The following BEND7 variants were observed in gnomAD, a reference collection of about 807,000 sequenced individuals.
The protein encoded by BEND7 is BEN domain containing 7.
BEND7 carries 28 observed loss-of-function variants against 50.9 expected under a neutral mutation model. The observed-to-expected ratio is 0.55, with a 90% CI of 0.41 to 0.75. BEND7 has a LOEUF of 0.75. BEND7 is among the 30% of genes least tolerant of loss of function. The probability of loss-of-function intolerance (pLI) is 0.00; values close to 1 mark genes in which losing one functional copy is unlikely to be tolerated. For synonymous variants in BEND7, 170 were observed against 183.9 expected, an observed-to-expected ratio of 0.92 and a Z score of 0.61; for missense variants, 477 against 491.3, an observed-to-expected ratio of 0.97 and a Z score of 0.28.
At chr10:13,494,276 G>C (rs968575777) in intron 4 of BEND7, among the ~76,000 whole-genome samples, 1 of 152,158 alleles carries the variant, frequency 6.6e-6, no homozygotes, top group Admixed American at 6.5e-5. Context: ...AATTAGCTGG[G>C]CATGGTGGTG....
intron 6 of BEND7, among the ~76,000 whole-genome samples, chr10:13,472,633 G>A (rs1215340573): frequency 2.0e-5 from 3 of 150,346 alleles, no homozygotes; most frequent in African/African-American, 4.9e-5. Context: ...ACCCGTCATC[G>A]CTCTTAGACT....
At chr10:13,505,510 C>A (rs1157203837) in intron 2 of BEND7, among the ~76,000 whole-genome samples, 5 of 152,212 alleles carry the variant, frequency 3.3e-5, no homozygotes, top group African/African-American at 9.6e-5. Flanking sequence ...CTCTGGCCTG[C>A]GTGTGTGTGG....
At chr10:13,505,547 G>A (rs936650103) in intron 2 of BEND7, among the ~76,000 whole-genome samples, 4 of 152,112 alleles carry the variant, frequency 2.6e-5, no homozygotes, top group Non-Finnish European at 5.9e-5. Flanking sequence ...ACCCTCCCCG[G>A]GGTCCATAAG....
chr10:13,529,142 C>T (rs1041020118), upstream of BEND7, among the ~76,000 whole-genome samples: 2 of 143,874 alleles, frequency 1.4e-5, no homozygotes, highest in African/African-American at 5.0e-5. Context: ...CCGGGGGCCG[C>T]CGCCGGCCTG....
At chr10:13,500,197 C>T in intron 2 of BEND7, 117 bp from the exon 3 acceptor site, 1 of 907,704 alleles carries the variant, frequency 1.1e-6, no homozygotes, top group Non-Finnish European at 1.6e-6. Context: ...AGATGACTGA[C>T]TCTATGAACT....
At chr10:13,469,974 T>G (rs1265174036) in intron 6 of BEND7, among the ~76,000 whole-genome samples, 1 of 152,064 alleles carries the variant, frequency 6.6e-6, no homozygotes, top group African/African-American at 2.4e-5. Flanking sequence ...ATTGGAACAC[T>G]TGCTAGATAA....
At chr10:13,465,015 A>AT (rs759439847) in intron 6 of BEND7, among the ~76,000 whole-genome samples, 35 of 152,324 alleles carry the variant, frequency 2.3e-4, no homozygotes, top group Non-Finnish European at 3.8e-4. Flanking sequence ...TTAACCAGTG[A>AT]TTTTTTAAAA....
chr10:13,490,772 G>A (rs1453584124), intron 5 of BEND7, among the ~76,000 whole-genome samples: 2 of 152,112 alleles, frequency 1.3e-5, no homozygotes, highest in Non-Finnish European at 2.9e-5. Flanking sequence ...AGCAACACTG[G>A]GCCACTTGCC....
chr10:13,505,457 G>A (rs556147615), intron 2 of BEND7, among the ~76,000 whole-genome samples: 3 of 152,328 alleles, frequency 2.0e-5, no homozygotes, highest in Middle Eastern at 3.4e-3. Context: ...CTGGCCATGG[G>A]TTCCTTTCTC....
At chr10:13,503,852 G>A (rs2077666171) in intron 2 of BEND7, among the ~76,000 whole-genome samples, 3 of 152,188 alleles carry the variant, frequency 2.0e-5, no homozygotes, top group Admixed American at 6.5e-5. Flanking sequence ...GGCAGAGTGT[G>A]GAAAGTTTCT....
At chr10:13,487,345 C>A (rs1456691289) in intron 5 of BEND7, among the ~76,000 whole-genome samples, 1 of 151,834 alleles carries the variant, frequency 6.6e-6, no homozygotes, top group Non-Finnish European at 1.5e-5. Flanking sequence ...CTGGAACTTA[C>A]ACTCTCAGGC....
chr10:13,521,502 C>A (rs1212909938), intron 2 of BEND7, among the ~76,000 whole-genome samples: 1 of 152,126 alleles, frequency 6.6e-6, no homozygotes, highest in Non-Finnish European at 1.5e-5. Flanking sequence ...ATTCCACCAC[C>A]AAAAAAGGAG....
downstream of BEND7, chr10:13,439,153 A>G: frequency 1.3e-6 from 2 of 1,573,956 alleles, no homozygotes; most frequent in Non-Finnish European, 1.7e-6. Context: ...ACACACACAC[A>G]TAAATAAGCA....
At chr10:13,488,741 C>G (rs1030034317) in intron 5 of BEND7, among the ~76,000 whole-genome samples, 29 of 152,224 alleles carry the variant, frequency 1.9e-4, no homozygotes, top group African/African-American at 6.3e-4. Flanking sequence ...CCCGCCTTGG[C>G]CTCCCAAAGT....
chr10:13,445,967 G>C (rs1461552612), intron 8 of BEND7: 1 of 152,222 alleles, frequency 6.6e-6, no homozygotes, highest in Non-Finnish European at 1.5e-5. Context: ...ATTGGGCCCA[G>C]GTGATAAGAA....
chr10:13,504,263 G>C (rs2077703440), intron 2 of BEND7, among the ~76,000 whole-genome samples: 1 of 152,120 alleles, frequency 6.6e-6, no homozygotes, highest in African/African-American at 2.4e-5. Context: ...CCCACACCTG[G>C]TCTCGCCTCC....
At chr10:13,518,557 G>T (rs955890621) in intron 2 of BEND7, among the ~76,000 whole-genome samples, 3 of 152,230 alleles carry the variant, frequency 2.0e-5, no homozygotes, top group African/African-American at 7.2e-5. Context: ...CTGTACCTGT[G>T]TTAGAGCAGA....
chr10:13,479,696 T>C (rs1430918906), intron 6 of BEND7, among the ~76,000 whole-genome samples: 1 of 152,218 alleles, frequency 6.6e-6, no homozygotes, highest in Non-Finnish European at 1.5e-5. Context: ...TTTTCAGAAA[T>C]GGCACAGTTT....
chr10:13,442,624 C>T (rs1330031745), intron 8 of BEND7: 1 of 152,202 alleles, frequency 6.6e-6, no homozygotes, highest in Non-Finnish European at 1.5e-5. Context: ...TAGCTAGTTA[C>T]CACATGGTGC....
Sources: gnomAD v4.1 joint callset for allele counts (sites outside exome capture counted in the v4.1 genomes callset) on GRCh38, gnomAD v4.1.1 for gene constraint, MANE v1.5 for transcripts, NCBI Gene and HGNC (gene_info 2026-07-23, HGNC 2026-07-21) for gene names.